The following OMA1 variants were observed in gnomAD, a reference collection of about 807,000 sequenced individuals.
OMA1 encodes metalloendopeptidase OMA1, mitochondrial.
Under a neutral mutation model 30.9 loss-of-function variants are expected in OMA1, and 38 were observed. The ratio of observed to expected loss-of-function variants is 1.23; its 90% confidence interval spans 0.95 to 1.61. The LOEUF (loss-of-function observed/expected upper bound fraction) is 1.61, where lower values mean the gene tolerates loss of function less well. Among genes scored for constraint, OMA1 ranks in the 40% most tolerant of loss-of-function variants. The pLI is 0.00. For synonymous variants in OMA1, 173 were observed against 121.9 expected, an observed-to-expected ratio of 1.42 and a Z score of -2.76; for missense variants, 461 against 349.2, an observed-to-expected ratio of 1.32 and a Z score of -2.55.
At chr1:58,489,283 C>A (rs1052184436) in intron 8 of OMA1, among the ~76,000 whole-genome samples, 53 of 152,220 alleles carry the variant, frequency 3.5e-4, no homozygotes, top group Admixed American at 3.5e-3. Context: ...AAACGGCACA[C>A]CAGGAGATTA....
At chr1:58,498,349 A>C (rs1645840341) in intron 8 of OMA1, among the ~76,000 whole-genome samples, 1 of 152,066 alleles carries the variant, frequency 6.6e-6, no homozygotes, top group African/African-American at 2.4e-5. Flanking sequence ...TAAATGGCTC[A>C]TGAGAGGTTT....
chr1:58,541,556 G>A (rs1312902584), intron 1 of OMA1: 1 of 126,252 alleles, frequency 7.9e-6, no homozygotes, highest in Non-Finnish European at 1.6e-5. Flanking sequence ...GCAAGAGACT[G>A]CAGTGAGCCA....
intron 5 of OMA1, among the ~76,000 whole-genome samples, chr1:58,531,716 C>CT (rs11303484): frequency 3.4e-5 from 5 of 147,384 alleles, no homozygotes; most frequent in African/African-American, 1.3e-4. Flanking sequence ...ATGGATTTAT[C>CT]TTTTTTTTTT....
chr1:58,500,944 T>A (rs1045864284), intron 8 of OMA1, among the ~76,000 whole-genome samples: 7 of 152,224 alleles, frequency 4.6e-5, no homozygotes, highest in African/African-American at 1.7e-4. Context: ...CGACAAATTA[T>A]AATATACATA....
At chr1:58,521,784 A>C (rs1569943340) in intron 7 of OMA1, among the ~76,000 whole-genome samples, 1 of 152,310 alleles carries the variant, frequency 6.6e-6, no homozygotes, top group East Asian at 1.9e-4. Flanking sequence ...AAACTCATGA[A>C]GAAATCTTCA....
intron 7 of OMA1, among the ~76,000 whole-genome samples, chr1:58,525,531 T>C (rs1646335610): frequency 6.6e-6 from 1 of 151,978 alleles, no homozygotes; most frequent in Non-Finnish European, 1.5e-5. Flanking sequence ...AATTCCTACA[T>C]ACAAAAAAAT....
intron 7 of OMA1, among the ~76,000 whole-genome samples, chr1:58,510,608 T>G (rs935180162): frequency 3.3e-5 from 5 of 152,006 alleles, no homozygotes; most frequent in African/African-American, 1.2e-4. Context: ...AATACAGCAC[T>G]GGGAGTCCTA....
intron 7 of OMA1, among the ~76,000 whole-genome samples, chr1:58,523,530 A>G (rs561843537): frequency 6.6e-6 from 1 of 152,262 alleles, no homozygotes; most frequent in East Asian, 1.9e-4. Context: ...TTTGGGGGCA[A>G]GTAGACCATT....
chr1:58,535,297 T>C (rs1646498435), intron 3 of OMA1, among the ~76,000 whole-genome samples: 1 of 152,152 alleles, frequency 6.6e-6, no homozygotes, highest in Non-Finnish European at 1.5e-5. Context: ...GTGTATGCTT[T>C]TTTTCACTTA....
intron 7 of OMA1, among the ~76,000 whole-genome samples, chr1:58,514,479 G>C (rs531197942): frequency 6.6e-6 from 1 of 152,212 alleles, no homozygotes; most frequent in South Asian, 2.1e-4. Context: ...GTATTCACTA[G>C]ACACTCCAAC....
In OMA1 at chr1:58,489,722, C is replaced by T. The variant is rs201333910; in HGVS notation, c.1366-8548G>A. On this transcript the variant is annotated intron_variant, in intron 8 of 8. Transcript: ENST00000371226. ...GGGGCAGACTGACACCTCACAGGGC[C>T]GGGTACTCCTCTGAGACAAAACTTC... Among the ~76,000 whole-genome samples the T allele has an allele frequency of 6.6e-5, 10 of 152,210 alleles. No homozygotes were observed. In the East Asian group the frequency reaches 1.7e-3, roughly 27 times the overall value.
At chr1:58,506,349 C>T in intron 7 of OMA1, 140 bp from the exon 8 acceptor site, 3 of 551,938 alleles carry the variant, frequency 5.4e-6, no homozygotes, top group Middle Eastern at 5.0e-4. Flanking sequence ...AGGTTTGTTA[C>T]ATACGTATAC....
At chr1:58,539,860 G>C (rs1646577331) in intron 1 of OMA1, among the ~76,000 whole-genome samples, 1 of 152,114 alleles carries the variant, frequency 6.6e-6, no homozygotes, top group African/African-American at 2.4e-5. Flanking sequence ...AAATCGAAGA[G>C]ATAAAGCTGG....
intron 7 of OMA1, among the ~76,000 whole-genome samples, chr1:58,509,308 A>C (rs1646036581): frequency 6.6e-6 from 1 of 152,174 alleles, no homozygotes. Context: ...TGTACGAACA[A>C]AGTGAGAATT....
chr1:58,530,116 C>G (rs1203533298), intron 6 of OMA1, among the ~76,000 whole-genome samples: 1 of 152,150 alleles, frequency 6.6e-6, no homozygotes, highest in South Asian at 2.1e-4. Context: ...CTCCTGACTT[C>G]GTGATCCACC....
At chr1:58,540,261 C>T (rs1442484861) in intron 1 of OMA1, among the ~76,000 whole-genome samples, 1 of 149,172 alleles carries the variant, frequency 6.7e-6, no homozygotes, top group Non-Finnish European at 1.5e-5. Context: ...TAAATGCTTC[C>T]AAGCAACAAC....
intron 1 of OMA1, among the ~76,000 whole-genome samples, chr1:58,539,752 A>C (rs542975182): frequency 1.3e-5 from 2 of 152,306 alleles, no homozygotes; most frequent in East Asian, 3.9e-4. Context: ...AACAGATGGG[A>C]AACAGAGCCC....
intron 8 of OMA1, among the ~76,000 whole-genome samples, chr1:58,498,251 AAAC>A (rs1007812621): frequency 3.3e-5 from 5 of 152,058 alleles, no homozygotes; most frequent in African/African-American, 1.2e-4. Context: ...TAAAAAAAAA[AAAC>A]AACTTTTTCC....
chr1:58,521,051 G>C (rs1646254113), intron 7 of OMA1, among the ~76,000 whole-genome samples: 1 of 152,128 alleles, frequency 6.6e-6, no homozygotes, highest in African/African-American at 2.4e-5. Flanking sequence ...GAGCCACAAA[G>C]CAAGACCCAA....
Sources: gnomAD v4.1 joint callset for allele counts (sites outside exome capture counted in the v4.1 genomes callset) on GRCh38, gnomAD v4.1.1 for gene constraint, MANE v1.5 for transcripts, NCBI Gene and HGNC (gene_info 2026-07-23, HGNC 2026-07-21) for gene names.